The following ITPR2 variants were observed in gnomAD, a reference collection of about 807,000 sequenced individuals.
ITPR2 encodes inositol 1,4,5-trisphosphate receptor type 2.
ITPR2 carries 207 observed loss-of-function variants against 317.1 expected under a neutral mutation model. That is an observed-to-expected ratio of 0.65 (90% confidence interval 0.58 to 0.73). ITPR2 has a LOEUF of 0.73. Ranked by LOEUF, ITPR2 falls within the 30% of genes least tolerant of loss-of-function variation. The pLI, the probability that ITPR2 is intolerant of heterozygous loss-of-function variation, is 0.00. For missense variants in ITPR2, 2,613 were observed against 3,284.0 expected (o/e 0.80, Z 4.99); for synonymous variants, 1,156 against 1,149.1 (o/e 1.01, Z -0.12).
At chr12:26,589,853 TACACACACACACACACAC>T (rs56044866) in intron 32 of ITPR2, among the ~76,000 whole-genome samples, 14 of 57,302 alleles carry the variant, frequency 2.4e-4, no homozygotes, top group African/African-American at 6.2e-4. Context: ...TATATATATA[TACACACACACACACACAC>T]ACACACACAC....
intron 1 of ITPR2, among the ~76,000 whole-genome samples, chr12:26,809,818 G>T (rs1444029090): frequency 2.6e-5 from 4 of 151,996 alleles, no homozygotes; most frequent in Middle Eastern, 3.2e-3. Context: ...TAAATAACGA[G>T]CGTAGATTTA....
intron 47 of ITPR2, among the ~76,000 whole-genome samples, chr12:26,436,765 TA>T (rs1941361309): frequency 2.5e-5 from 2 of 78,826 alleles, no homozygotes; most frequent in African/African-American, 3.6e-5. Context: ...TAAAGTCAAA[TA>T]AAAAAACTCA....
At chr12:26,690,304 A>C (rs1193415075) in intron 10 of ITPR2, among the ~76,000 whole-genome samples, 1 of 152,210 alleles carries the variant, frequency 6.6e-6, no homozygotes, top group Non-Finnish European at 1.5e-5. Context: ...AACCCAAATA[A>C]ATGGAGAATA....
intron 55 of ITPR2, chr12:26,373,638 G>A (rs914961073): frequency 4.6e-5 from 7 of 152,302 alleles, no homozygotes; most frequent in South Asian, 4.1e-4. Flanking sequence ...TTGGAGGGCC[G>A]GAATATTATT....
intron 13 of ITPR2, among the ~76,000 whole-genome samples, chr12:26,668,541 G>C (rs907682574): frequency 2.0e-5 from 3 of 152,124 alleles, no homozygotes; most frequent in Non-Finnish European, 4.4e-5. Flanking sequence ...TGAATGTAGA[G>C]AAAGGAAAAA....
chr12:26,621,379 A>C (rs996761869), intron 25 of ITPR2, 83 bp from the exon 26 acceptor site: 27 of 1,026,322 alleles, frequency 2.6e-5, no homozygotes, highest in Middle Eastern at 2.2e-4. Flanking sequence ...ATTGACCATG[A>C]AAACCTACCT....
chr12:26,727,500 C>T (rs1157797136), intron 2 of ITPR2, among the ~76,000 whole-genome samples: 1 of 152,168 alleles, frequency 6.6e-6, no homozygotes, highest in Admixed American at 6.5e-5. Flanking sequence ...GATCCTTTAA[C>T]AGAAAAAATA....
At chr12:26,556,747 T>C (rs546600436) in intron 35 of ITPR2, among the ~76,000 whole-genome samples, 2 of 146,826 alleles carry the variant, frequency 1.4e-5, no homozygotes, top group East Asian at 2.0e-4. Flanking sequence ...TTGCAATAAA[T>C]TAGGGGAATA....
At chr12:26,358,986 C>A (rs770363935) in intron 55 of ITPR2, among the ~76,000 whole-genome samples, 4 of 152,264 alleles carry the variant, frequency 2.6e-5, no homozygotes, top group Non-Finnish European at 4.4e-5. Flanking sequence ...CCCTACCCAG[C>A]ACACTTTCAT....
At chr12:26,541,422 A>C (rs1944258501) in intron 37 of ITPR2, among the ~76,000 whole-genome samples, 1 of 152,216 alleles carries the variant, frequency 6.6e-6, no homozygotes, top group Admixed American at 6.5e-5. Flanking sequence ...TTGATTTAAA[A>C]CAACATTAGA....
chr12:26,456,226 C>T (rs935126529), intron 45 of ITPR2, among the ~76,000 whole-genome samples: 1 of 152,204 alleles, frequency 6.6e-6, no homozygotes, highest in Admixed American at 6.5e-5. Context: ...AGTAAAGAAG[C>T]TGGCCAAAAC....
chr12:26,545,814 G>C (rs900557906), intron 37 of ITPR2, among the ~76,000 whole-genome samples: 6 of 152,188 alleles, frequency 3.9e-5, no homozygotes, highest in African/African-American at 1.4e-4. Context: ...GGATCACTGA[G>C]CACCAGCTGT....
At chr12:26,592,360 C>A (rs1591938746) in intron 32 of ITPR2, among the ~76,000 whole-genome samples, 1 of 152,126 alleles carries the variant, frequency 6.6e-6, no homozygotes, top group South Asian at 2.1e-4. Context: ...AGAGTGACTA[C>A]AGTCAACAAT....
At chr12:26,791,709 A>G (rs954101686) in intron 1 of ITPR2, among the ~76,000 whole-genome samples, 1 of 152,202 alleles carries the variant, frequency 6.6e-6, no homozygotes, top group Non-Finnish European at 1.5e-5. Flanking sequence ...GATTTATTAG[A>G]AACAGGAAGT....
intron 55 of ITPR2, among the ~76,000 whole-genome samples, chr12:26,357,637 C>T (rs1167251809): frequency 6.6e-6 from 1 of 152,268 alleles, no homozygotes; most frequent in African/African-American, 2.4e-5. Context: ...TGGGGACTCC[C>T]AAAGTGTGGC....
At chr12:26,427,268 GCTGTGCCATGCATAA>G (rs1180178782) in intron 49 of ITPR2, among the ~76,000 whole-genome samples, 1 of 151,990 alleles carries the variant, frequency 6.6e-6, no homozygotes, top group Non-Finnish European at 1.5e-5. Flanking sequence ...TCTCTGTATG[GCTGTGCCATGCATAA>G]CGTTGGCTAG....
intron 34 of ITPR2, among the ~76,000 whole-genome samples, chr12:26,566,784 C>A (rs1283804781): frequency 6.6e-6 from 1 of 152,118 alleles, no homozygotes; most frequent in Middle Eastern, 3.2e-3. Context: ...CCAAAGCATG[C>A]AATATCTCTG....
chr12:26,589,326 C>T (rs1945624899), intron 32 of ITPR2, among the ~76,000 whole-genome samples: 1 of 151,496 alleles, frequency 6.6e-6, no homozygotes, highest in Non-Finnish European at 1.5e-5. Flanking sequence ...AAGGAAATGC[C>T]AATAGGAAAA....
chr12:26,435,794 T>C (rs978282782), intron 48 of ITPR2, among the ~76,000 whole-genome samples: 2 of 152,220 alleles, frequency 1.3e-5, no homozygotes, highest in African/African-American at 4.8e-5. Context: ...TTAAAAATTA[T>C]TTCTAGATTA....
Sources: gnomAD v4.1 joint callset for allele counts (sites outside exome capture counted in the v4.1 genomes callset) on GRCh38, gnomAD v4.1.1 for gene constraint, MANE v1.5 for transcripts, NCBI Gene and HGNC (gene_info 2026-07-23, HGNC 2026-07-21) for gene names.